The following CACNA1E variants were observed in gnomAD, a reference collection of about 807,000 sequenced individuals.
The protein encoded by CACNA1E is voltage-dependent R-type calcium channel subunit alpha-1E.
Under a neutral mutation model 259.2 loss-of-function variants are expected in CACNA1E, and 40 were observed. That is an observed-to-expected ratio of 0.15 (90% CI 0.12 to 0.20). CACNA1E has a LOEUF of 0.20. Among genes scored for constraint, CACNA1E ranks in the 10% least tolerant of loss-of-function variants. The pLI is 1.00. For missense variants in CACNA1E, 1,874 were observed against 3,040.1 expected, an observed-to-expected ratio of 0.62 and a Z score of 9.02; for synonymous variants, 1,104 against 1,138.5, an observed-to-expected ratio of 0.97 and a Z score of 0.61.
intron 6 of CACNA1E, among the ~76,000 whole-genome samples, chr1:181,614,925 A>G (rs991764342): frequency 3.9e-5 from 6 of 152,294 alleles, no homozygotes; most frequent in African/African-American, 9.6e-5. Context: ...TAATCTGCAT[A>G]TAAGTGGACC....
chr1:181,583,104 A>ACT (rs1491572468), intron 6 of CACNA1E, among the ~76,000 whole-genome samples: 2 of 1,742 alleles, frequency 1.1e-3, no homozygotes, highest in East Asian at 0.091. Flanking sequence ...GACTGTTCCT[A>ACT]CACACACACA....
At chr1:181,501,129 T>C (rs1380283669) in intron 1 of CACNA1E, among the ~76,000 whole-genome samples, 1 of 152,234 alleles carries the variant, frequency 6.6e-6, no homozygotes, top group African/African-American at 2.4e-5. Flanking sequence ...TTTTCCCTTT[T>C]CTGTAGCGTT....
intron 2 of CACNA1E, among the ~76,000 whole-genome samples, chr1:181,456,078 G>A (rs1398403404): frequency 3.3e-5 from 5 of 152,210 alleles, no homozygotes; most frequent in Non-Finnish European, 7.3e-5. Context: ...GGGAGAACTG[G>A]TAAGAAATTG....
intron 44 of CACNA1E, among the ~76,000 whole-genome samples, chr1:181,792,645 G>C (rs1661425090): frequency 6.7e-6 from 1 of 150,018 alleles, no homozygotes; most frequent in Non-Finnish European, 1.5e-5. Flanking sequence ...GCTAAGGTGG[G>C]GGTCCCAGAC....
At chr1:181,577,974 G>T in intron 4 of CACNA1E, 105 bp downstream of exon 4, 2 of 672,774 alleles carry the variant, frequency 3.0e-6, no homozygotes, top group Admixed American at 2.4e-5. Flanking sequence ...TATTCCTCCT[G>T]GGAGGAAGCC....
intron 6 of CACNA1E, among the ~76,000 whole-genome samples, chr1:181,607,725 A>G (rs950043640): frequency 2.0e-5 from 3 of 152,236 alleles, no homozygotes; most frequent in Admixed American, 2.0e-4. Flanking sequence ...GTTGGAATTA[A>G]GTAAGGATGC....
chr1:181,510,672 C>A, intron 2 of CACNA1E, 90 bp downstream of exon 2: 1 of 821,032 alleles, frequency 1.2e-6, no homozygotes, highest in Non-Finnish European at 2.1e-6. Flanking sequence ...TCCCTTCCTG[C>A]CTGTGAGTTC....
At chr1:181,539,261 G>T (rs1217835970) in intron 3 of CACNA1E, among the ~76,000 whole-genome samples, 1 of 152,154 alleles carries the variant, frequency 6.6e-6, no homozygotes, top group Non-Finnish European at 1.5e-5. Flanking sequence ...CCACTACATA[G>T]CTTCTCACCA....
At chr1:181,565,024 TA>T (rs1036384340) in intron 3 of CACNA1E, among the ~76,000 whole-genome samples, 3 of 152,198 alleles carry the variant, frequency 2.0e-5, no homozygotes, top group African/African-American at 7.2e-5. Flanking sequence ...GCATAATTTT[TA>T]AGGGCCCTAG....
intron 2 of CACNA1E, among the ~76,000 whole-genome samples, chr1:181,475,025 A>G (rs1662752657): frequency 6.6e-6 from 1 of 152,188 alleles, no homozygotes; most frequent in African/African-American, 2.4e-5. Flanking sequence ...ACAGCTGGGA[A>G]CACCTGGCAG....
chr1:181,614,315 A>G (rs1185478505), intron 6 of CACNA1E, among the ~76,000 whole-genome samples: 1 of 152,162 alleles, frequency 6.6e-6, no homozygotes, highest in Non-Finnish European at 1.5e-5. Context: ...AAGCAATTTA[A>G]CTTTTTCTTA....
intron 1 of CACNA1E, among the ~76,000 whole-genome samples, chr1:181,366,550 C>T (rs554189691): frequency 6.6e-6 from 1 of 152,252 alleles, no homozygotes; most frequent in African/African-American, 2.4e-5. Flanking sequence ...GGTGAGGCCA[C>T]AGTTGCAGGG....
rs1205982576 is a variant in CACNA1E at position 181,372,828 on chromosome 1, A to ATT, written c.-14-40296_-14-40295dup. On this transcript the variant is annotated intron_variant, in intron 1 of 11. Transcript: ENST00000524607. ...ATGTTGAATATATATATATATATAT[A>ATT]TTTTTTTTTTAACATGAAGGGATAT... Among the ~76,000 whole-genome samples, 55 of 101,638 alleles carry ATT rather than the reference A, an allele frequency of 5.4e-4. 1 individual carries two copies. Among genetic ancestry groups the ATT allele is most frequent in the South Asian group, 1.7e-3 (6 of 3,624 alleles). The allele number at this position is 101,638 out of a possible 152,430, so 66.7% of individuals were successfully genotyped here. A position where few individuals can be genotyped will look rare whatever the true frequency, so the allele number is the denominator to read the frequency against.
In CACNA1E at chr1:181,388,718, G is replaced by A. The variant is rs541374638; in HGVS notation, c.-14-24415G>A. Among the ~76,000 whole-genome samples, 10 of 152,144 alleles carry A rather than the reference G, an allele frequency of 6.6e-5. No individual in the cohort carries two copies. The South Asian group carries it at 1.9e-3, about 28-fold the overall frequency. ...AGCCTGACCAACATGGAGAAACCCC[G>A]TCTTTACCAAAAAAAATATAAAATT... On this transcript the variant is annotated intron_variant, in intron 1 of 11. Transcript: ENST00000524607.
intron 6 of CACNA1E, among the ~76,000 whole-genome samples, chr1:181,637,441 TC>T (rs1657339431): frequency 1.0e-5 from 1 of 96,176 alleles, no homozygotes; most frequent in Non-Finnish European, 2.1e-5. Context: ...CTTCCCTCCC[TC>T]CCTCCCTCCC....
In CACNA1E at chr1:181,525,663, T is replaced by C. The variant is rs1248120849; in HGVS notation, c.512+14153T>C. Among the ~76,000 whole-genome samples the C allele has an allele frequency of 3.3e-5, 5 of 152,334 alleles. No individual in the cohort carries two copies. The South Asian group carries it at 6.2e-4, about 19-fold the overall frequency. On this transcript the variant is annotated intron_variant, in intron 3 of 47. Coordinates refer to ENST00000367573, the MANE Select transcript of CACNA1E (RefSeq NM_001205293.3). Reference sequence around the variant, plus strand: ...AACCTTTCCATTTACTAATTTCTTTTCTATCCTTAGCCTGCACAAAGAAGG... The same window carrying C: ...AACCTTTCCATTTACTAATTTCTTTCCTATCCTTAGCCTGCACAAAGAAGG...
intron 3 of CACNA1E, among the ~76,000 whole-genome samples, chr1:181,560,324 G>C (rs1443516235): frequency 6.6e-6 from 1 of 151,436 alleles, no homozygotes; most frequent in African/African-American, 2.4e-5. Context: ...AGATAATACA[G>C]ATAACTTGTA....
At chr1:181,574,531 T>C (rs1253150030) in intron 3 of CACNA1E, among the ~76,000 whole-genome samples, 1 of 152,184 alleles carries the variant, frequency 6.6e-6, no homozygotes, top group Non-Finnish European at 1.5e-5. Flanking sequence ...ATTGAGTGCC[T>C]CTTACTTGCC....
chr1:181,394,048 G>A lies in CACNA1E; in HGVS notation c.-14-19085G>A, dbSNP rs139927448. Among the ~76,000 whole-genome samples, 474 of 152,294 alleles carry A rather than the reference G, an allele frequency of 3.1e-3. 3 individuals are homozygous for A. The highest frequency in any genetic ancestry group is 0.011 in the African/African-American group (463 of 41,560). On this transcript the variant is annotated intron_variant, in intron 1 of 11. Transcript: ENST00000524607. ...AGGGCCTGTAAGGTACCCTGCAAGA[G>A]TGTGATGTGGTGACTTCAGTTGGCC...
Sources: gnomAD v4.1 joint callset for allele counts (sites outside exome capture counted in the v4.1 genomes callset) on GRCh38, gnomAD v4.1.1 for gene constraint, MANE v1.5 for transcripts, NCBI Gene and HGNC (gene_info 2026-07-23, HGNC 2026-07-21) for gene names.